TCEANC: variants seen among roughly 807,000 people sequenced by gnomAD.
The protein encoded by TCEANC is transcription elongation factor A N-terminal and central domain-containing protein.
TCEANC carries 8 observed loss-of-function variants against 8.7 expected under a neutral mutation model. The observed-to-expected ratio is 0.92, with a 90% confidence interval of 0.54 to 1.65. The LOEUF is 1.65. Ranked by LOEUF, TCEANC falls within the 40% of genes most tolerant of loss-of-function variation. The pLI is 0.00. For missense variants in TCEANC, 255 were observed against 251.9 expected (o/e 1.01, Z -0.08); for synonymous variants, 78 against 92.9 (o/e 0.84, Z 0.92).
At chrX:13,663,595 CG>C in exon 2 of TCEANC, 2 of 1,042,702 alleles carry the variant, frequency 1.9e-6, no homozygotes, top group Non-Finnish European at 2.5e-6. Context: ...AACAGATAAC[CG>C]GAGTGATACC....
chrX:13,665,158 A>G (rs776648294), exon 2 of TCEANC: 9 of 124,180 alleles, frequency 7.2e-5, no homozygotes, highest in Non-Finnish European at 1.3e-4. Context: ...GTGATGCAAC[A>G]TGTTTAGTCC....
chrX:13,653,949 C>T (rs2045903863), upstream of TCEANC, among the ~76,000 whole-genome samples: 1 of 111,863 alleles, frequency 8.9e-6, no homozygotes, highest in Non-Finnish European at 1.9e-5. Flanking sequence ...TGCACCTAAG[C>T]AAGCATTATC....
At chrX:13,663,684 A>G (rs1190239157) in exon 2 of TCEANC, 60 of 718,031 alleles carry the variant, frequency 8.4e-5, no homozygotes, top group Non-Finnish European at 1.1e-4. Flanking sequence ...GAGGAAAGAA[A>G]GTCGTTAGCT....
chrX:13,654,719 T>C (rs1302313870), upstream of TCEANC, among the ~76,000 whole-genome samples: 2 of 111,587 alleles, frequency 1.8e-5, no homozygotes. Context: ...AAGAAACTTA[T>C]CCAACTTGCT....
chrX:13,658,565 AC>A (rs1285032631), intron 1 of TCEANC, among the ~76,000 whole-genome samples: 3 of 59,199 alleles, frequency 5.1e-5, no homozygotes, highest in African/African-American at 2.9e-4. Context: ...TAAACTGTAT[AC>A]ATTTAAGATA....
rs1402952042 is a variant in TCEANC, at chrX:13,663,254, C to G, written c.746C>G (p.Ser249Cys). The change falls in exon 2 of 2, where the codon TCT becomes TGT. Residue 249 changes from serine (S) to cysteine (C), a missense_variant. Coordinates refer to ENST00000380600, the Ensembl canonical transcript of TCEANC. ...CAAAACTTGCTCTCTGGGACCACGTCTCCACGAGAATTTGCTGAAATGACT... is the reference window on the plus strand; with the variant it reads ...CAAAACTTGCTCTCTGGGACCACGTGTCCACGAGAATTTGCTGAAATGACT... The G allele has an allele frequency of 4.2e-6, 5 of 1,201,928 alleles. No homozygotes were observed. The Admixed American group carries it at 1.1e-4, about 27-fold the overall frequency.
chrX:13,654,089 C>T (rs761222872), upstream of TCEANC, among the ~76,000 whole-genome samples: 63 of 112,277 alleles, frequency 5.6e-4, 1 homozygote, highest in African/African-American at 1.8e-3. Flanking sequence ...AGTGAATTTT[C>T]GAGAATTAGC....
chrX:13,654,682 A>G (rs749686080), upstream of TCEANC, among the ~76,000 whole-genome samples: 2 of 111,544 alleles, frequency 1.8e-5, no homozygotes, highest in South Asian at 7.4e-4. Context: ...CATTTTGTAG[A>G]TGAGGAAATT....
rs370372330 is a variant in TCEANC at position 13,663,507 on chromosome X, C to G, written c.999C>G (p.Tyr333Ter). 10 of 1,170,275 alleles carry G rather than the reference C, an allele frequency of 8.5e-6. No individual in the cohort carries two copies. The highest frequency in any genetic ancestry group is 1.1e-5 in the Non-Finnish European group (10 of 875,002). ...ACCCAGATGAACAAATGATGACTTACGTAATTTGTAACGAATGTGGGGAGC... is the reference window on the plus strand; with the variant it reads ...ACCCAGATGAACAAATGATGACTTAGGTAATTTGTAACGAATGTGGGGAGC... The change falls in exon 2 of 2, where the codon TAC becomes TAG. Residue 333 changes from tyrosine to a stop codon, truncating the protein, a stop_gained. Coordinates refer to ENST00000380600, the Ensembl canonical transcript of TCEANC. LOFTEE classifies it high-confidence loss of function.
upstream of TCEANC, among the ~76,000 whole-genome samples, chrX:13,653,691 C>G (rs2045901235): frequency 9.0e-6 from 1 of 111,586 alleles, no homozygotes; most frequent in African/African-American, 3.3e-5. Context: ...GTTACAGTTT[C>G]TCTTTAGGCT....
exon 2 of TCEANC, chrX:13,663,618 C>A: frequency 9.9e-7 from 1 of 1,011,051 alleles, no homozygotes; most frequent in Non-Finnish European, 1.3e-6. Flanking sequence ...TTTATTTGTA[C>A]AACCCTTTTG....
In TCEANC at chrX:13,663,669, A is replaced by G. The variant is rs182573638; in HGVS notation, c.*105A>G. On this transcript the variant is annotated 3_prime_UTR_variant, in exon 2 of 2. Transcript: ENST00000380600. ...TATACACACTACTCTCTAAAACAGA[A>G]AAAGGAGGAAAGAAAGTCGTTAGCT... 81 of 795,680 alleles carry G rather than the reference A, an allele frequency of 1.0e-4. 1 individual carries two copies. The African/African-American group carries it at 1.1e-3, about 10-fold the overall frequency. 65.6% of individuals were successfully genotyped at this position (795,680 alleles called of 1,213,427 possible).
chrX:13,657,827 A>AC (rs776773478), intron 1 of TCEANC, among the ~76,000 whole-genome samples: 5 of 82,042 alleles, frequency 6.1e-5, no homozygotes, highest in African/African-American at 2.8e-4. Context: ...AAAAAAAAAA[A>AC]CACACACACA....
At chrX:13,655,111 T>C (rs2045915107), upstream of TCEANC, among the ~76,000 whole-genome samples, 1 of 111,900 alleles carries the variant, frequency 8.9e-6, no homozygotes, top group African/African-American at 3.3e-5. Context: ...ACTGGGTGTT[T>C]GCTAGGTGTG....
exon 2 of TCEANC, chrX:13,662,835 A>C: frequency 8.3e-7 from 1 of 1,211,878 alleles, no homozygotes; most frequent in Non-Finnish European, 1.1e-6. Flanking sequence ...CTCATGACCC[A>C]AGTCAGAATG....
upstream of TCEANC, among the ~76,000 whole-genome samples, chrX:13,654,778 A>G (rs867848008): frequency 2.7e-5 from 3 of 111,412 alleles, no homozygotes; most frequent in Non-Finnish European, 5.6e-5. Flanking sequence ...TTCCTTATGC[A>G]AATGTTTTGA....
chrX:13,658,645 C>T (rs1243104622), intron 1 of TCEANC, among the ~76,000 whole-genome samples: 1 of 110,511 alleles, frequency 9.0e-6, no homozygotes, highest in African/African-American at 3.3e-5. Context: ...ATGTGAATAT[C>T]GTCTCTTAAG....
At chrX:13,660,067 A>G (rs1363233820) in intron 1 of TCEANC, among the ~76,000 whole-genome samples, 2 of 112,262 alleles carry the variant, frequency 1.8e-5, no homozygotes, top group African/African-American at 6.5e-5. Context: ...TTATCATGAA[A>G]TTGCGTTAGA....
At chrX:13,662,759 C>G in exon 2 of TCEANC, 1 of 1,211,289 alleles carries the variant, frequency 8.3e-7, no homozygotes, top group Non-Finnish European at 1.1e-6. Context: ...CAGACTCACT[C>G]CAAAGCGAGG....
Sources: allele counts gnomAD v4.1 joint callset (sites outside exome capture counted in the v4.1 genomes callset), GRCh38; gene constraint gnomAD v4.1.1; transcripts MANE v1.5; gene names NCBI Gene and HGNC (gene_info 2026-07-23, HGNC 2026-07-21).